TANC2: variants seen among roughly 807,000 people sequenced by gnomAD.
TANC2 encodes protein TANC2.
A neutral mutation model predicts 210.5 loss-of-function variants in TANC2; 26 were observed. That is an observed-to-expected ratio of 0.12 (90% confidence interval 0.09 to 0.17). TANC2 has a LOEUF of 0.17. TANC2 is among the 10% of genes least tolerant of loss of function. TANC2 has a pLI of 1.00. For synonymous variants in TANC2, 931 were observed against 967.1 expected, an observed-to-expected ratio of 0.96 and a Z score of 0.69; for missense variants, 2,129 against 2,608.9, an observed-to-expected ratio of 0.82 and a Z score of 4.01.
In TANC2 at chr17:63,406,026, G is replaced by T. The variant is rs184880476; in HGVS notation, c.3466-128G>T. On this transcript the variant is annotated intron_variant, in intron 20 of 27. Coordinates refer to ENST00000689528, the Ensembl canonical transcript of TANC2. Reference sequence around the variant, plus strand: ...CTAGGACTATACAGGTACTTATGGGGGAAGTGGAAAGATACATGGGTGACT... The same window carrying T: ...CTAGGACTATACAGGTACTTATGGGTGAAGTGGAAAGATACATGGGTGACT... The T allele has an allele frequency of 4.3e-5, 51 of 1,197,414 alleles. No homozygotes were observed. The African/African-American group carries it at 7.0e-4, about 16-fold the overall frequency. The allele number at this position is 1,197,414 out of a possible 1,614,324, so 74.2% of individuals were successfully genotyped here.
chr17:63,074,166 A>C (rs1450496755), intron 3 of TANC2, among the ~76,000 whole-genome samples, 152 bp downstream of exon 3: 2 of 152,158 alleles, frequency 1.3e-5, no homozygotes, highest in African/African-American at 4.8e-5. Flanking sequence ...GTAAAAATCT[A>C]TATATTATTT....
At chr17:63,312,580 G>GGAA (rs1262655966) in intron 9 of TANC2, among the ~76,000 whole-genome samples, 1 of 152,106 alleles carries the variant, frequency 6.6e-6, no homozygotes, top group East Asian at 1.9e-4. Context: ...GCTAGAAGGG[G>GGAA]GAAGAAGATG....
chr17:63,394,783 T>A (rs1340405125), intron 17 of TANC2, among the ~76,000 whole-genome samples: 2 of 152,228 alleles, frequency 1.3e-5, no homozygotes, highest in Non-Finnish European at 2.9e-5. Context: ...CCTTTAAATT[T>A]ATTGTATACT....
intron 15 of TANC2, among the ~76,000 whole-genome samples, chr17:63,383,031 C>G (rs577122414): frequency 2.6e-5 from 4 of 152,214 alleles, no homozygotes; most frequent in South Asian, 2.1e-4. Flanking sequence ...TGGAGTAGAA[C>G]CTAGGCTTCA....
intron 19 of TANC2, among the ~76,000 whole-genome samples, chr17:63,402,683 A>G (rs1185066185): frequency 6.6e-6 from 1 of 152,218 alleles, no homozygotes; most frequent in Non-Finnish European, 1.5e-5. Flanking sequence ...CCCGTTGAAA[A>G]AAGACCATTT....
At chr17:63,240,582 T>C (rs1038359894) in intron 8 of TANC2, among the ~76,000 whole-genome samples, 1 of 152,152 alleles carries the variant, frequency 6.6e-6, no homozygotes, top group African/African-American at 2.4e-5. Flanking sequence ...CCCTCTCTAG[T>C]TGTATCCTGT....
intron 14 of TANC2, among the ~76,000 whole-genome samples, chr17:63,367,870 CAG>C (rs2047155131): frequency 6.6e-6 from 1 of 152,168 alleles, no homozygotes; most frequent in African/African-American, 2.4e-5. Flanking sequence ...CTGTAGATAA[CAG>C]GGAGCCTCTG....
intron 8 of TANC2, among the ~76,000 whole-genome samples, chr17:63,260,889 A>G (rs1401976564): frequency 1.3e-5 from 2 of 152,014 alleles, no homozygotes; most frequent in African/African-American, 4.8e-5. Context: ...CAGTCAGGAG[A>G]CATAAAAGCA....
chr17:63,013,230 TC>T (rs900024604), intron 2 of TANC2, among the ~76,000 whole-genome samples: 2 of 151,966 alleles, frequency 1.3e-5, no homozygotes, highest in African/African-American at 4.8e-5. Flanking sequence ...ATGCTACTCT[TC>T]CTGGTTACTT....
At position 63,253,048 on chromosome 17, in the gene TANC2, A is replaced by G. The variant is rs935705390; in HGVS notation, c.1034-14700A>G. On this transcript the variant is annotated intron_variant, in intron 8 of 27. Coordinates refer to ENST00000689528, the Ensembl canonical transcript of TANC2. ...TTGAGTAACCTCTGTACCATTTTCC[A>G]TAGTGGCTGACCTAATTTACATTCC... 1.2e-4 allele frequency among the ~76,000 whole-genome samples: 18 copies of G among 152,088 alleles called. No homozygotes were observed. The South Asian group carries it at 1.9e-3, about 16-fold the overall frequency.
chr17:63,222,074 G>A (rs2042207683), intron 7 of TANC2, among the ~76,000 whole-genome samples: 1 of 152,182 alleles, frequency 6.6e-6, no homozygotes, highest in Admixed American at 6.5e-5. Flanking sequence ...CTGAAGAATG[G>A]GAAGTCCTGG....
chr17:63,118,115 A>G (rs2038321796), intron 4 of TANC2, among the ~76,000 whole-genome samples: 1 of 152,186 alleles, frequency 6.6e-6, no homozygotes. Flanking sequence ...CTGTTGCAGT[A>G]TCCTTATAAA....
At chr17:63,006,541 C>T (rs1423054524) in intron 1 of TANC2, among the ~76,000 whole-genome samples, 1 of 151,996 alleles carries the variant, frequency 6.6e-6, no homozygotes, top group African/African-American at 2.4e-5. Flanking sequence ...AGAAGTATAT[C>T]ACTTAATTTT....
intron 5 of TANC2, among the ~76,000 whole-genome samples, chr17:63,180,623 A>G (rs2040748269): frequency 6.6e-6 from 1 of 152,206 alleles, no homozygotes; most frequent in Admixed American, 6.5e-5. Flanking sequence ...CCTTTATTAT[A>G]TTCAAATCTG....
At chr17:63,307,080 A>C (rs1241994616) in intron 9 of TANC2, among the ~76,000 whole-genome samples, 1 of 152,196 alleles carries the variant, frequency 6.6e-6, no homozygotes, top group Non-Finnish European at 1.5e-5. Context: ...CTGAGGGGGA[A>C]GTGATGTGAG....
chr17:63,058,553 G>A (rs947743016), intron 2 of TANC2, among the ~76,000 whole-genome samples: 1 of 151,992 alleles, frequency 6.6e-6, no homozygotes, highest in African/African-American at 2.4e-5. Flanking sequence ...TTATAGTTGC[G>A]GGTTTTACAT....
chr17:63,329,174 TGATA>T (rs764507925), intron 11 of TANC2, among the ~76,000 whole-genome samples: 1 of 152,086 alleles, frequency 6.6e-6, no homozygotes, highest in South Asian at 2.1e-4. Flanking sequence ...GATGTCAGCA[TGATA>T]GATTTATTAT....
rs148362022 is a variant in TANC2, at chr17:63,185,992, G to C, written c.434-7999G>C. 1.6e-3 allele frequency among the ~76,000 whole-genome samples: 251 copies of C among 152,188 alleles called. 1 individual carries two copies. Among genetic ancestry groups the C allele is most frequent in the Non-Finnish European group, 2.4e-3 (164 of 68,008 alleles). On this transcript the variant is annotated intron_variant, in intron 5 of 27. Coordinates refer to ENST00000689528, the Ensembl canonical transcript of TANC2. ...GGCCTTTGTAAGAAATATTTACCTA[G>C]TTCTAGGTCATAAAGTTACACTAAA... is the stretch of plus-strand genomic sequence containing the variant.
At chr17:63,053,435 T>G (rs1391671050) in intron 2 of TANC2, among the ~76,000 whole-genome samples, 1 of 152,214 alleles carries the variant, frequency 6.6e-6, no homozygotes, top group Non-Finnish European at 1.5e-5. Flanking sequence ...ATAAAACCCC[T>G]TCTTTGTTTC....
Sources: gnomAD v4.1 joint callset for allele counts (sites outside exome capture counted in the v4.1 genomes callset) on GRCh38, gnomAD v4.1.1 for gene constraint, MANE v1.5 for transcripts, NCBI Gene and HGNC (gene_info 2026-07-23, HGNC 2026-07-21) for gene names.